Variants in DPH6 observed in about 807,000 individuals in gnomAD.
DPH6 encodes diphthamine biosynthesis 6, also known as diphthine--ammonia ligase.
DPH6 carries 33 observed loss-of-function variants against 38.2 expected under a neutral mutation model. That is an observed-to-expected ratio of 0.86 (90% CI 0.65 to 1.15). DPH6 has a LOEUF of 1.15. DPH6 is among the 50% of genes most tolerant of loss of function. The pLI is 0.00. For synonymous variants in DPH6, 108 were observed against 103.0 expected, an observed-to-expected ratio of 1.05 and a Z score of -0.30; for missense variants, 325 against 320.0, an observed-to-expected ratio of 1.02 and a Z score of -0.12.
At chr15:35,309,928 G>A (rs552669905) in intron 3 of DPH6, among the ~76,000 whole-genome samples, 5 of 152,174 alleles carry the variant, frequency 3.3e-5, no homozygotes, top group Non-Finnish European at 5.9e-5. Context: ...CCTCCTGTGT[G>A]CATTTTTTGG....
rs200267997 is a variant in DPH6, at chr15:35,339,483, C to A, written n.208-8406G>T. 4.6e-5 allele frequency among the ~76,000 whole-genome samples: 7 copies of A among 152,176 alleles called. No individual in the cohort carries two copies. The East Asian group carries it at 1.2e-3, about 25-fold the overall frequency. On this transcript the variant is annotated intron_variant and non_coding_transcript_variant, in intron 3 of 3. Transcript: ENST00000558973. ...GGGATTATAGGCATGTGCCACCACA[C>A]CTGGCTAATTTTTGTGTTTTTAGTA...
At chr15:35,522,922 T>C (rs1056850755) in intron 3 of DPH6, among the ~76,000 whole-genome samples, 1 of 152,134 alleles carries the variant, frequency 6.6e-6, no homozygotes, top group African/African-American at 2.4e-5. Flanking sequence ...TACAGATGTA[T>C]TTCTGCAAGT....
At chr15:35,180,574 C>A in the DPH6 span, among the ~76,000 whole-genome samples, 1 of 152,164 alleles carries the variant, frequency 6.6e-6, no homozygotes, top group Non-Finnish European at 1.5e-5. Flanking sequence ...GATCCTCCCA[C>A]GTCAGCCTCC....
intron 5 of DPH6, among the ~76,000 whole-genome samples, chr15:35,436,083 A>C (rs903737037): frequency 6.6e-6 from 1 of 151,920 alleles, no homozygotes; most frequent in African/African-American, 2.4e-5. Context: ...GAGGCCCTGC[A>C]CGTCCAGCTG....
intron 3 of DPH6, among the ~76,000 whole-genome samples, chr15:35,343,782 T>C (rs2052441105): frequency 1.3e-5 from 2 of 152,030 alleles, no homozygotes; most frequent in African/African-American, 4.8e-5. Flanking sequence ...CTTTATAATG[T>C]AGTCTTGTAG....
chr15:35,435,175 C>T (rs1042652564), intron 5 of DPH6, among the ~76,000 whole-genome samples: 3 of 152,160 alleles, frequency 2.0e-5, no homozygotes, highest in Non-Finnish European at 2.9e-5. Context: ...GACCCTTCCA[C>T]AAAAATACAC....
chr15:35,148,903 G>A, the DPH6 span, among the ~76,000 whole-genome samples: 1 of 152,120 alleles, frequency 6.6e-6, no homozygotes, highest in Admixed American at 6.5e-5. Context: ...CATTACCTAT[G>A]ACACTTGACT....
the DPH6 span, among the ~76,000 whole-genome samples, chr15:35,149,225 T>A: frequency 6.6e-6 from 1 of 152,082 alleles, no homozygotes; most frequent in Non-Finnish European, 1.5e-5. Flanking sequence ...CACACAACTG[T>A]CACTAGTCTT....
intron 3 of DPH6, among the ~76,000 whole-genome samples, chr15:35,283,387 C>G (rs1469572390): frequency 6.6e-6 from 1 of 151,952 alleles, no homozygotes; most frequent in Non-Finnish European, 1.5e-5. Flanking sequence ...AACTCCATCT[C>G]CCAGGTTCAA....
chr15:35,545,259 T>C (rs1452839201), intron 1 of DPH6, among the ~76,000 whole-genome samples: 2 of 152,252 alleles, frequency 1.3e-5, no homozygotes, highest in Non-Finnish European at 2.9e-5. Flanking sequence ...TTAATGTTGC[T>C]AGTGTGTTCC....
At chr15:35,323,056 A>T (rs974282302) in intron 3 of DPH6, among the ~76,000 whole-genome samples, 3 of 152,220 alleles carry the variant, frequency 2.0e-5, no homozygotes, top group African/African-American at 7.2e-5. Flanking sequence ...AACAACAAAT[A>T]AAAGAATAAA....
At chr15:35,239,761 C>G (rs954253126) in intron 3 of DPH6, among the ~76,000 whole-genome samples, 1 of 142,748 alleles carries the variant, frequency 7.0e-6, no homozygotes, top group African/African-American at 2.5e-5. Context: ...TCTCCTTCAC[C>G]CTTAGCAGCA....
chr15:35,287,332 G>A (rs544698696), intron 3 of DPH6, among the ~76,000 whole-genome samples: 27 of 152,162 alleles, frequency 1.8e-4, no homozygotes, highest in Middle Eastern at 3.4e-3. Context: ...AACATATGAG[G>A]TTTATACAGA....
chr15:35,280,084 A>G (rs1459578238), intron 3 of DPH6, among the ~76,000 whole-genome samples: 1 of 152,194 alleles, frequency 6.6e-6, no homozygotes, highest in Non-Finnish European at 1.5e-5. Flanking sequence ...CAGAACTGTG[A>G]GAAATAAATT....
At chr15:35,289,712 C>T (rs908774688) in intron 3 of DPH6, among the ~76,000 whole-genome samples, 3 of 152,198 alleles carry the variant, frequency 2.0e-5, no homozygotes, top group African/African-American at 7.2e-5. Flanking sequence ...AAGCAAATAA[C>T]TCATCTTATA....
intron 3 of DPH6, among the ~76,000 whole-genome samples, chr15:35,460,675 A>C (rs1276545264): frequency 1.3e-5 from 2 of 152,200 alleles, no homozygotes; most frequent in Admixed American, 1.3e-4. Context: ...TCACTTTGTA[A>C]ATATCGGACA....
At chr15:35,370,697 A>C (rs962284683), downstream of DPH6, among the ~76,000 whole-genome samples, 1 of 151,788 alleles carries the variant, frequency 6.6e-6, no homozygotes, top group African/African-American at 2.4e-5. Context: ...AATGCTGGTC[A>C]GGAGGTGGAA....
the DPH6 span, among the ~76,000 whole-genome samples, chr15:35,171,684 C>T: frequency 6.6e-6 from 1 of 151,642 alleles, no homozygotes; most frequent in African/African-American, 2.4e-5. Flanking sequence ...ATCAGTAATG[C>T]TGGGGAACAG....
chr15:35,218,859 GTA>G (rs1009901806), exon 4 of DPH6: 4 of 151,924 alleles, frequency 2.6e-5, no homozygotes, highest in African/African-American at 9.7e-5. Flanking sequence ...GAAAAAAAAT[GTA>G]TGTTTTCTTA....
Sources: allele counts gnomAD v4.1 joint callset (sites outside exome capture counted in the v4.1 genomes callset), GRCh38; gene constraint gnomAD v4.1.1; transcripts MANE v1.5; gene names NCBI Gene and HGNC (gene_info 2026-07-23, HGNC 2026-07-21).